The following APLP2 variants were observed in gnomAD, a reference collection of about 807,000 sequenced individuals.
The protein encoded by APLP2 is amyloid beta precursor like protein 2, also known as CDEI box-binding protein.
A neutral mutation model predicts 89.9 loss-of-function variants in APLP2; 53 were observed. The observed-to-expected ratio is 0.59, with a 90% confidence interval of 0.47 to 0.74. The LOEUF (loss-of-function observed/expected upper bound fraction) is 0.74. Ranked by LOEUF, APLP2 falls within the 30% of genes least tolerant of loss-of-function variation. APLP2 has a pLI of 0.00. For missense variants in APLP2, 973 were observed against 975.9 expected, an observed-to-expected ratio of 1.00 and a Z score of 0.04; for synonymous variants, 372 against 348.6, an observed-to-expected ratio of 1.07 and a Z score of -0.75.
At chr11:130,090,561 A>G (rs1944807464) in intron 1 of APLP2, among the ~76,000 whole-genome samples, 1 of 151,956 alleles carries the variant, frequency 6.6e-6, no homozygotes, top group Non-Finnish European at 1.5e-5. Context: ...CACATGTTTC[A>G]GGGAGCACAG....
intron 1 of APLP2, among the ~76,000 whole-genome samples, chr11:130,108,175 A>C (rs1035994274): frequency 3.9e-5 from 6 of 152,228 alleles, no homozygotes; most frequent in Non-Finnish European, 7.3e-5. Flanking sequence ...CATGTCTAAA[A>C]CACCAAAAGC....
rs57934380 is a variant in APLP2 at position 130,134,323 on chromosome 11, C to T, written c.1684+595C>T. On this transcript the variant is annotated intron_variant, in intron 12 of 16. Transcript: ENST00000338167. ...CAGTCGGGGCGGCTGCCTCTGGGGA[C>T]GGTGGCCTGAGATCCGAATGGTAAG... Among the ~76,000 whole-genome samples, 385 of 152,212 alleles carry T rather than the reference C, an allele frequency of 2.5e-3. 2 individuals are homozygous for T. The highest frequency in any genetic ancestry group is 8.6e-3 in the African/African-American group (358 of 41,540).
chr11:130,090,945 C>T (rs1292679802), intron 1 of APLP2, among the ~76,000 whole-genome samples: 3 of 133,392 alleles, frequency 2.2e-5, no homozygotes, highest in East Asian at 2.3e-4. Context: ...GGCGGGGGGC[C>T]GACACCCCCA....
intron 1 of APLP2, among the ~76,000 whole-genome samples, chr11:130,083,515 G>C (rs1168974148): frequency 6.6e-6 from 1 of 152,176 alleles, no homozygotes; most frequent in African/African-American, 2.4e-5. Flanking sequence ...CCTTCAGCCT[G>C]TGTCAGTGAC....
intron 1 of APLP2, among the ~76,000 whole-genome samples, chr11:130,085,686 A>G (rs747270531): frequency 7.2e-5 from 11 of 152,152 alleles, no homozygotes; most frequent in Admixed American, 2.0e-4. Context: ...CCCGCTGTCC[A>G]TTTCCAGTAC....
rs1226315073 is a variant in APLP2 at position 130,110,581 on chromosome 11, A to G, written c.323A>G (p.Gln108Arg). The change falls in exon 3 of 17, where the codon CAG becomes CGG. Residue 108 changes from glutamine (Q) to arginine (R), a missense_variant. Coordinates refer to ENST00000338167, the MANE Select transcript of APLP2 (RefSeq NM_001142276.2). ...ATCACAAATGTGATGGAGGCAAACC[A>G]GCGGGTTAGTATTGACAACTGGTGC... Reference protein sequence around the residue: ...LQITNVMEANQRVSIDNWCRR... With the variant: ...LQITNVMEANRRVSIDNWCRR... 9.9e-6 allele frequency: 16 copies of G among 1,614,034 alleles called. No individual in the cohort carries two copies. The highest frequency in any genetic ancestry group is 1.4e-5 in the Non-Finnish European group (16 of 1,179,998).
intron 11 of APLP2, among the ~76,000 whole-genome samples, chr11:130,130,443 A>G (rs1950814118): frequency 6.6e-6 from 1 of 152,238 alleles, no homozygotes; most frequent in South Asian, 2.1e-4. Flanking sequence ...TATTGCCAGA[A>G]CCAATATTCA....
At chr11:130,073,489 T>A (rs944146987) in intron 1 of APLP2, among the ~76,000 whole-genome samples, 2 of 152,256 alleles carry the variant, frequency 1.3e-5, no homozygotes, top group Non-Finnish European at 2.9e-5. Flanking sequence ...GTATTTTTGT[T>A]AGAACAATTT....
At chr11:130,133,775 A>C (rs1305912838) in intron 12 of APLP2, 47 bp downstream of exon 12, 1 of 1,428,984 alleles carries the variant, frequency 7.0e-7, no homozygotes, top group Admixed American at 1.7e-5. Flanking sequence ...CTTCTTGCAG[A>C]GGCTCAGGAG....
intron 1 of APLP2, among the ~76,000 whole-genome samples, chr11:130,103,595 TG>T (rs1250633605): frequency 2.0e-5 from 3 of 152,236 alleles, no homozygotes; most frequent in African/African-American, 7.2e-5. Context: ...TTTATACAGT[TG>T]GAACTCTTGC....
chr11:130,076,210 G>C (rs1338004626), intron 1 of APLP2, among the ~76,000 whole-genome samples: 1 of 152,064 alleles, frequency 6.6e-6, no homozygotes, highest in Non-Finnish European at 1.5e-5. Flanking sequence ...GAGTAGCTGG[G>C]ATTACAGGTG....
At chr11:130,079,346 G>A (rs1405855633) in intron 1 of APLP2, among the ~76,000 whole-genome samples, 2 of 152,026 alleles carry the variant, frequency 1.3e-5, no homozygotes, top group Admixed American at 1.3e-4. Context: ...TGATCCTCCC[G>A]CCTTGGCCTA....
chr11:130,127,064 CTTT>C (rs34915276), intron 8 of APLP2, among the ~76,000 whole-genome samples: 81 of 127,260 alleles, frequency 6.4e-4, no homozygotes, highest in African/African-American at 1.9e-3. Flanking sequence ...ATTATCTGCC[CTTT>C]TTTTTTTTTT....
At chr11:130,131,716 A>G (rs1166939267) in intron 11 of APLP2, among the ~76,000 whole-genome samples, 1 of 152,202 alleles carries the variant, frequency 6.6e-6, no homozygotes, top group Non-Finnish European at 1.5e-5. Flanking sequence ...ATCGTGTTGT[A>G]TTCTAGCCAG....
intron 8 of APLP2, 42 bp downstream of exon 8, chr11:130,126,872 T>C (rs751818776): frequency 8.1e-6 from 13 of 1,609,588 alleles, no homozygotes; most frequent in Non-Finnish European, 9.4e-6. Context: ...TACTTGGCTT[T>C]GGGTAGCATG....
intron 10 of APLP2, among the ~76,000 whole-genome samples, chr11:130,129,476 T>A (rs1372146275): frequency 6.6e-6 from 1 of 152,226 alleles, no homozygotes; most frequent in East Asian, 1.9e-4. Context: ...TGGGTAATTA[T>A]CCAGTTATTG....
Position 130,130,760 on chromosome 11 carries a change from T to C in APLP2, c.1584+594T>C, listed in dbSNP as rs192080783. 2.0e-5 allele frequency among the ~76,000 whole-genome samples: 3 copies of C among 152,364 alleles called. No individual in the cohort carries two copies. The East Asian group carries it at 5.8e-4, about 29-fold the overall frequency. On this transcript the variant is annotated intron_variant, in intron 11 of 16. Transcript: ENST00000338167. The stretch of plus-strand genomic sequence containing the variant: ...GAGGGCCTTATAGTAACAACGCTGA[T>C]CTTACTTGATTTCCTCTCATATTGT...
At chr11:130,097,912 ATTC>A (rs1946419742) in intron 1 of APLP2, among the ~76,000 whole-genome samples, 1 of 152,280 alleles carries the variant, frequency 6.6e-6, no homozygotes, top group Admixed American at 6.5e-5. Flanking sequence ...CAGGACAGTT[ATTC>A]TTCAGCAAGG....
chr11:130,124,911 C>T lies in APLP2; in HGVS notation c.1090+1132C>T, dbSNP rs75536027. Among the ~76,000 whole-genome samples the T allele has an allele frequency of 8.3e-3, 1,266 of 152,354 alleles. 16 individuals carry two copies. Among genetic ancestry groups the T allele is most frequent in the African/African-American group, 0.029 (1,208 of 41,572 alleles). On this transcript the variant is annotated intron_variant, in intron 7 of 16. Coordinates refer to ENST00000338167, the MANE Select transcript of APLP2 (RefSeq NM_001142276.2). ...TACTTACTGCTTTGTAAAACTTGGA[C>T]TGAAGCCTGAGGAATCCCACTGAGT... is the stretch of plus-strand genomic sequence containing the variant.
Sources: gnomAD v4.1 joint callset for allele counts (sites outside exome capture counted in the v4.1 genomes callset) on GRCh38, gnomAD v4.1.1 for gene constraint, MANE v1.5 for transcripts, NCBI Gene and HGNC (gene_info 2026-07-23, HGNC 2026-07-21) for gene names.